The following HTR2C variants were observed in gnomAD, a reference collection of about 807,000 sequenced individuals.
HTR2C encodes the protein 5-hydroxytryptamine receptor 2C.
A neutral mutation model predicts 21.0 loss-of-function variants in HTR2C; 5 were observed. The ratio of observed to expected loss-of-function variants is 0.24; its 90% CI spans 0.12 to 0.50. The LOEUF is 0.50. HTR2C is among the 20% of genes least tolerant of loss of function. The pLI, the probability that HTR2C is intolerant of heterozygous loss-of-function variation, is 0.98. For missense variants in HTR2C, 271 were observed against 371.2 expected, an observed-to-expected ratio of 0.73 and a Z score of 2.22; for synonymous variants, 150 against 145.3, an observed-to-expected ratio of 1.03 and a Z score of -0.23.
rs1435646034 is a variant in HTR2C at position 114,602,747 on chromosome X, A to G, written c.-146-11068A>G. ...AGGCCTTTACTTATTCAGTGAAAGT[A>G]TCTACCTAGACTAAGAGGTATTTTA... is the stretch of plus-strand genomic sequence containing the variant. On this transcript the variant is annotated intron_variant, in intron 1 of 5. Coordinates refer to ENST00000276198, the MANE Select transcript of HTR2C (RefSeq NM_000868.4). Among the ~76,000 whole-genome samples the G allele has an allele frequency of 7.7e-4, 21 of 27,402 alleles. 5 individuals carry two copies. Among genetic ancestry groups the G allele is most frequent in the African/African-American group, 2.4e-3 (17 of 7,109 alleles). 23.8% of individuals were successfully genotyped at this position (27,402 alleles called of 115,157 possible).
chrX:114,697,060 A>G (rs1932301850), intron 2 of HTR2C, among the ~76,000 whole-genome samples: 1 of 112,032 alleles, frequency 8.9e-6, no homozygotes, highest in Non-Finnish European at 1.9e-5. Flanking sequence ...GTGTTTCAAT[A>G]ACAATTACAG....
chrX:114,823,629 C>A, intron 4 of HTR2C: 1 of 315,076 alleles, frequency 3.2e-6, no homozygotes, highest in Non-Finnish European at 6.4e-6. Context: ...GTCATGGAAA[C>A]ACAGATGCTA....
chrX:114,641,776 G>A (rs1275375997), intron 2 of HTR2C, among the ~76,000 whole-genome samples: 2 of 111,365 alleles, frequency 1.8e-5, no homozygotes, highest in African/African-American at 6.5e-5. Flanking sequence ...TGCAGGATGT[G>A]CAGGTTTGTT....
intron 4 of HTR2C, chrX:114,774,941 G>A (rs1369882234): frequency 3.2e-5 from 17 of 526,508 alleles, no homozygotes; most frequent in Admixed American, 3.2e-4. Flanking sequence ...CTCTGGTACC[G>A]CTTGCTAATG....
intron 2 of HTR2C, among the ~76,000 whole-genome samples, chrX:114,620,199 AT>A (rs1929103565): frequency 8.9e-6 from 1 of 111,903 alleles, no homozygotes; most frequent in Non-Finnish European, 1.9e-5. Context: ...TACTGCTATG[AT>A]TTTAAATGTA....
Position 114,609,904 on chromosome X carries a change from A to G in HTR2C, c.-146-3911A>G, listed in dbSNP as rs782284216. On this transcript the variant is annotated intron_variant, in intron 1 of 5. Transcript: ENST00000276198. ...GCCTGGAGCTTGGAAGGTGGTGACT[A>G]CAAAGAAGCAGGAGGATGGAATTGT... 2.7e-5 allele frequency among the ~76,000 whole-genome samples: 3 copies of G among 112,179 alleles called. No individual in the cohort carries two copies. In the South Asian group the frequency reaches 1.1e-3, roughly 42 times the overall value.
chrX:114,903,402 T>C (rs1488027370), intron 5 of HTR2C, among the ~76,000 whole-genome samples: 1 of 112,507 alleles, frequency 8.9e-6, no homozygotes, highest in Non-Finnish European at 1.9e-5. Flanking sequence ...TCTACATCTG[T>C]AATGTCAGTA....
At chrX:114,700,183 TA>T in intron 2 of HTR2C, among the ~76,000 whole-genome samples, 1 of 111,794 alleles carries the variant, frequency 8.9e-6, no homozygotes, top group Admixed American at 9.5e-5. Flanking sequence ...AGGGCTCACA[TA>T]CCACTCAAAA....
intron 2 of HTR2C, among the ~76,000 whole-genome samples, chrX:114,678,062 G>A (rs1931622446): frequency 9.0e-6 from 1 of 110,789 alleles, no homozygotes; most frequent in Non-Finnish European, 1.9e-5. Flanking sequence ...CAGAAGGTCT[G>A]GCCATTCTTC....
intron 2 of HTR2C, among the ~76,000 whole-genome samples, chrX:114,637,256 A>G (rs1311461464): frequency 9.0e-6 from 1 of 111,668 alleles, no homozygotes; most frequent in African/African-American, 3.3e-5. Context: ...AGTTGTAAGC[A>G]AATGGTTGGG....
chrX:114,779,628 C>T (rs782647695), intron 4 of HTR2C, among the ~76,000 whole-genome samples: 2 of 111,823 alleles, frequency 1.8e-5, no homozygotes, highest in South Asian at 3.7e-4. Context: ...TCAGACTCAA[C>T]ATTGCCAGTA....
intron 4 of HTR2C, among the ~76,000 whole-genome samples, chrX:114,744,751 C>A (rs781963929): frequency 1.8e-5 from 2 of 111,368 alleles, no homozygotes; most frequent in Admixed American, 9.6e-5. Context: ...CGCACTCAGC[C>A]CCCCAAAGCT....
intron 4 of HTR2C, among the ~76,000 whole-genome samples, chrX:114,757,932 G>C (rs1397647769): frequency 4.5e-5 from 5 of 110,840 alleles, no homozygotes; most frequent in Non-Finnish European, 7.6e-5. Context: ...TGTAAGGTTA[G>C]GAGGAATAAA....
At chrX:114,894,933 G>A (rs1405106663) in intron 5 of HTR2C, among the ~76,000 whole-genome samples, 1 of 110,926 alleles carries the variant, frequency 9.0e-6, no homozygotes, top group Non-Finnish European at 1.9e-5. Flanking sequence ...TGGCCAGGCT[G>A]GACTCGAACT....
At chrX:114,697,068 C>T (rs1556415981) in intron 2 of HTR2C, among the ~76,000 whole-genome samples, 1 of 112,052 alleles carries the variant, frequency 8.9e-6, no homozygotes, top group East Asian at 2.8e-4. Flanking sequence ...ATAACAATTA[C>T]AGCCTATTCA....
At chrX:114,690,767 G>A (rs1367076423) in intron 2 of HTR2C, among the ~76,000 whole-genome samples, 1 of 111,115 alleles carries the variant, frequency 9.0e-6, no homozygotes, top group African/African-American at 3.3e-5. Flanking sequence ...AAAACAATAA[G>A]CATGCAATGT....
At chrX:114,843,413 A>G (rs182305335) in intron 4 of HTR2C, among the ~76,000 whole-genome samples, 94 of 111,940 alleles carry the variant, frequency 8.4e-4, no homozygotes, top group South Asian at 6.3e-3. Context: ...AAACAGGTCA[A>G]TTGTGATTAT....
rs782472782 is a variant in HTR2C at position 114,786,210 on chromosome X, T to C, written c.349+54603T>C. Among the ~76,000 whole-genome samples, 12 of 112,023 alleles carry C rather than the reference T, an allele frequency of 1.1e-4. No individual in the cohort carries two copies. In the South Asian group the frequency reaches 4.4e-3, roughly 41 times the overall value. On this transcript the variant is annotated intron_variant, in intron 4 of 5. Coordinates refer to ENST00000276198, the MANE Select transcript of HTR2C (RefSeq NM_000868.4). ...GCATATGGAGCCATAGGAACTCTTA[T>C]ATACTTCTTGTGGAAATGTAAATTG... is the stretch of plus-strand genomic sequence containing the variant.
At chrX:114,729,934 T>C (rs2069519993) in intron 3 of HTR2C, among the ~76,000 whole-genome samples, 1 of 111,604 alleles carries the variant, frequency 9.0e-6, no homozygotes, top group African/African-American at 3.2e-5. Flanking sequence ...AGAGGCAATT[T>C]TCTCCTCTAT....
Sources: gnomAD v4.1 joint callset for allele counts (sites outside exome capture counted in the v4.1 genomes callset) on GRCh38, gnomAD v4.1.1 for gene constraint, MANE v1.5 for transcripts, NCBI Gene and HGNC (gene_info 2026-07-23, HGNC 2026-07-21) for gene names.